The following PPP2R2A variants were observed in gnomAD, a reference collection of about 807,000 sequenced individuals.
PPP2R2A encodes serine/threonine-protein phosphatase 2A 55 kDa regulatory subunit B alpha isoform.
A neutral mutation model predicts 53.2 loss-of-function variants in PPP2R2A; 9 were observed. The ratio of observed to expected loss-of-function variants is 0.17; its 90% CI spans 0.10 to 0.30. The LOEUF is 0.30. Ranked by LOEUF, PPP2R2A falls within the 10% of genes least tolerant of loss-of-function variation. The probability of loss-of-function intolerance (pLI) is 1.00; values close to 1 mark genes in which losing one functional copy is unlikely to be tolerated. For missense variants in PPP2R2A, 235 were observed against 534.6 expected, an observed-to-expected ratio of 0.44 and a Z score of 5.53; for synonymous variants, 169 against 174.2, an observed-to-expected ratio of 0.97 and a Z score of 0.23.
chr8:26,334,788 C>T (rs555261848), intron 2 of PPP2R2A, among the ~76,000 whole-genome samples: 5 of 152,178 alleles, frequency 3.3e-5, no homozygotes, highest in Middle Eastern at 3.4e-3. Context: ...AGTATCCACT[C>T]TGTAATGTTT....
At chr8:26,315,051 C>T (rs1054167815) in intron 2 of PPP2R2A, among the ~76,000 whole-genome samples, 4 of 151,980 alleles carry the variant, frequency 2.6e-5, no homozygotes, top group Admixed American at 1.3e-4. Context: ...TAAGCAGCCC[C>T]GGTTTTATAA....
chr8:26,336,082 C>G (rs1242681740), intron 2 of PPP2R2A, among the ~76,000 whole-genome samples: 1 of 152,018 alleles, frequency 6.6e-6, no homozygotes, highest in Non-Finnish European at 1.5e-5. Flanking sequence ...GAATATTGTA[C>G]CTACAATCAT....
chr8:26,368,957 A>T (rs1207733931), intron 9 of PPP2R2A, among the ~76,000 whole-genome samples: 2 of 151,902 alleles, frequency 1.3e-5, no homozygotes, highest in Non-Finnish European at 2.9e-5. Flanking sequence ...ATACAAAAAA[A>T]ACTAGCCGGG....
chr8:26,365,076 G>A (rs1390906326), intron 8 of PPP2R2A: 1 of 152,154 alleles, frequency 6.6e-6, no homozygotes, highest in Non-Finnish European at 1.5e-5. Context: ...GCTTCATACT[G>A]ATGTATAGTG....
intron 2 of PPP2R2A, among the ~76,000 whole-genome samples, chr8:26,331,232 T>TTA (rs1803359763): frequency 6.6e-6 from 1 of 152,210 alleles, no homozygotes; most frequent in South Asian, 2.1e-4. Context: ...AGGAATCACT[T>TTA]TCTTTTCCTT....
At chr8:26,302,411 A>G (rs1221404177) in intron 2 of PPP2R2A, among the ~76,000 whole-genome samples, 2 of 152,216 alleles carry the variant, frequency 1.3e-5, no homozygotes, top group African/African-American at 2.4e-5. Flanking sequence ...ATGTGTTAAC[A>G]TTTGGAAGAT....
intron 3 of PPP2R2A, among the ~76,000 whole-genome samples, chr8:26,350,399 AGTT>A (rs772694345): frequency 6.6e-6 from 1 of 152,014 alleles, no homozygotes; most frequent in South Asian, 2.1e-4. Flanking sequence ...GAGATTGAGT[AGTT>A]GTTGTGTTGT....
intron 3 of PPP2R2A, among the ~76,000 whole-genome samples, chr8:26,344,856 GC>G (rs1177593858): frequency 1.3e-5 from 2 of 152,116 alleles, no homozygotes; most frequent in African/African-American, 4.8e-5. Context: ...TATCTGAAAT[GC>G]TTGGAACCAG....
chr8:26,347,863 A>G (rs1014521542), intron 3 of PPP2R2A, among the ~76,000 whole-genome samples: 3 of 152,260 alleles, frequency 2.0e-5, no homozygotes, highest in African/African-American at 4.8e-5. Context: ...CTCCATGACT[A>G]TCGTTATCAT....
chr8:26,327,794 G>A (rs755082908), intron 2 of PPP2R2A, among the ~76,000 whole-genome samples: 1 of 152,220 alleles, frequency 6.6e-6, no homozygotes, highest in East Asian at 1.9e-4. Context: ...TAGCTATGAG[G>A]GGCCAATTGT....
At chr8:26,327,936 G>C (rs965655804) in intron 2 of PPP2R2A, among the ~76,000 whole-genome samples, 3 of 152,192 alleles carry the variant, frequency 2.0e-5, no homozygotes, top group Non-Finnish European at 2.9e-5. Flanking sequence ...GTGCTGTTTT[G>C]TGCCGGAATG....
chr8:26,342,200 C>T (rs1222920062), intron 3 of PPP2R2A, among the ~76,000 whole-genome samples: 1 of 152,070 alleles, frequency 6.6e-6, no homozygotes, highest in Non-Finnish European at 1.5e-5. Flanking sequence ...AAGTGATTTC[C>T]CTGATGTAAT....
rs148648378 is a variant in PPP2R2A, at chr8:26,308,123, T to C, written c.82+14383T>C. Among the ~76,000 whole-genome samples the C allele has an allele frequency of 3.1e-3, 468 of 152,356 alleles. 1 individual carries two copies. The highest frequency in any genetic ancestry group is 0.011 in the African/African-American group (448 of 41,574). On this transcript the variant is annotated intron_variant, in intron 2 of 9. Transcript: ENST00000380737. ...TTAATGTCTGAAACAACAGTGTACA[T>C]GACAATTAAAAAGTACATTATTGCT...
At chr8:26,336,118 A>G (rs189462830) in intron 2 of PPP2R2A, among the ~76,000 whole-genome samples, 11 of 152,268 alleles carry the variant, frequency 7.2e-5, no homozygotes, top group Admixed American at 5.9e-4. Context: ...CTGTCTTCTC[A>G]TAATAAAATA....
At position 26,360,899 on chromosome 8, in the gene PPP2R2A, A is replaced by C. The variant is rs555065685; in HGVS notation, c.460-75A>C. 1.5e-5 allele frequency: 21 copies of C among 1,389,528 alleles called. 1 individual carries two copies. In the South Asian group the frequency reaches 2.8e-4, roughly 18 times the overall value. 86.1% of individuals were successfully genotyped at this position (1,389,528 alleles called of 1,614,324 possible). A position where few individuals can be genotyped will look rare whatever the true frequency, so the allele number is the denominator to read the frequency against. ...TATGTTCTCAAAAACTGAAATAATG[A>C]AGTTTTCTGAATCTTAATTGCTATT... On this transcript the variant is annotated intron_variant, in intron 5 of 9. Transcript: ENST00000380737. The surrounding 1 kb of genome is among the most constrained non-coding windows in gnomAD (Gnocchi z 4.5).
Position 26,372,384 on chromosome 8 carries a change from A to G in PPP2R2A, c.*1971A>G, listed in dbSNP as rs1805695244. 6.6e-6 allele frequency: 1 copy of G among 152,160 alleles called. No individual in the cohort carries two copies. Among genetic ancestry groups the G allele is most frequent in the Non-Finnish European group, 1.5e-5 (1 of 68,020 alleles). 9.4% of individuals were successfully genotyped at this position (152,160 alleles called of 1,614,324 possible). A position where few individuals can be genotyped will look rare whatever the true frequency, so the allele number is the denominator to read the frequency against. On this transcript the variant is annotated 3_prime_UTR_variant, in exon 10 of 10. Coordinates refer to ENST00000380737, the MANE Select transcript of PPP2R2A (RefSeq NM_002717.4). ...CAGATCTTTTTTGGGAGATTTTCCTACAGCTTGGTTGTATGTCTTGAGATA... is the reference window on the plus strand; with the variant it reads ...CAGATCTTTTTTGGGAGATTTTCCTGCAGCTTGGTTGTATGTCTTGAGATA...
chr8:26,324,566 A>T (rs891254316), intron 2 of PPP2R2A, among the ~76,000 whole-genome samples: 1 of 152,146 alleles, frequency 6.6e-6, no homozygotes, highest in African/African-American at 2.4e-5. Flanking sequence ...CCTCATGGAG[A>T]ACCTCTGCTA....
intron 2 of PPP2R2A, among the ~76,000 whole-genome samples, chr8:26,325,662 T>C (rs1482531424): frequency 6.6e-6 from 1 of 152,136 alleles, no homozygotes; most frequent in Non-Finnish European, 1.5e-5. Context: ...AAGCCTTGTT[T>C]TATGTACTTT....
chr8:26,355,462 T>C (rs1353496002), intron 4 of PPP2R2A, among the ~76,000 whole-genome samples: 2 of 152,152 alleles, frequency 1.3e-5, no homozygotes, highest in African/African-American at 4.8e-5. Flanking sequence ...CAGGCTGGTC[T>C]TGAATTCCTG....
Sources: gnomAD v4.1 joint callset for allele counts (sites outside exome capture counted in the v4.1 genomes callset) on GRCh38, gnomAD v4.1.1 for gene constraint, Gnocchi (gnomAD v3.1) non-coding constraint, MANE v1.5 for transcripts, NCBI Gene and HGNC (gene_info 2026-07-23, HGNC 2026-07-21) for gene names.